WNK3: variants seen among roughly 807,000 people sequenced by gnomAD.
WNK3 encodes serine/threonine-protein kinase WNK3.
Under a neutral mutation model 116.7 loss-of-function variants are expected in WNK3, and 18 were observed. The observed-to-expected ratio is 0.15, with a 90% confidence interval of 0.11 to 0.23. The LOEUF (loss-of-function observed/expected upper bound fraction) is 0.23, where lower values mean the gene tolerates loss of function less well. WNK3 is among the 10% of genes least tolerant of loss of function. The pLI is 1.00. For synonymous variants in WNK3, 404 were observed against 469.4 expected, an observed-to-expected ratio of 0.86 and a Z score of 1.80; for missense variants, 993 against 1,323.8, an observed-to-expected ratio of 0.75 and a Z score of 3.88.
At chrX:54,256,971 TCC>T (rs1464393902) in intron 11 of WNK3, among the ~76,000 whole-genome samples, 1 of 112,001 alleles carries the variant, frequency 8.9e-6, no homozygotes, top group Non-Finnish European at 1.9e-5. Context: ...CTCTCCCTGC[TCC>T]TCCCCTCTAA....
In WNK3 at chrX:54,269,899, T is replaced by C. The variant is rs6612928; in HGVS notation, c.2038-10561A>G. Among the ~76,000 whole-genome samples, 362 of 109,370 alleles carry C rather than the reference T, an allele frequency of 3.3e-3. 14 individuals are homozygous for C. In the East Asian group the frequency reaches 0.086, roughly 26 times the overall value. 95.0% of individuals were successfully genotyped at this position (109,370 alleles called of 115,157 possible). Reference sequence around the variant, plus strand: ...ACCTTAATGAATGTATATACCTTTGTAAAAAAAAATTTGAAGAACAGCTGG... The same window carrying C: ...ACCTTAATGAATGTATATACCTTTGCAAAAAAAAATTTGAAGAACAGCTGG... On this transcript the variant is annotated intron_variant, in intron 10 of 23. Coordinates refer to ENST00000354646, the Ensembl canonical transcript of WNK3.
rs113545372 is a variant in WNK3, at chrX:54,201,832, A to AT, written c.5073+158_5073+159insA. Among the ~76,000 whole-genome samples the AT allele has an allele frequency of 7.7e-4, 86 of 112,087 alleles. 1 individual carries two copies. Among genetic ancestry groups the AT allele is most frequent in the African/African-American group, 2.6e-3 (80 of 30,918 alleles). On this transcript the variant is annotated intron_variant, in intron 23 of 23. Coordinates refer to ENST00000354646, the Ensembl canonical transcript of WNK3. ...TTTACTGACTCATGGTCTAAAATAT[A>AT]ATTTGCTCAAAGACATAATGAATCT...
intron 2 of WNK3, among the ~76,000 whole-genome samples, chrX:54,321,909 C>G (rs142410772): frequency 1.9e-5 from 2 of 106,169 alleles, no homozygotes; most frequent in Non-Finnish European, 3.9e-5. Flanking sequence ...CGCTTGACCC[C>G]GGAGGCAGAG....
At chrX:54,247,294 C>T (rs1364119178) in intron 17 of WNK3, among the ~76,000 whole-genome samples, 7 of 109,840 alleles carry the variant, frequency 6.4e-5, no homozygotes, top group African/African-American at 2.3e-4. Context: ...TCTTAAGATT[C>T]GAATCACATT....
chrX:54,268,643 C>CA (rs1383718017), intron 10 of WNK3, among the ~76,000 whole-genome samples: 28 of 111,361 alleles, frequency 2.5e-4, no homozygotes, highest in Non-Finnish European at 5.3e-4. Flanking sequence ...AGGAAGTGTT[C>CA]AAAGAATGAT....
At chrX:54,328,119 A>G (rs1376348035) in intron 2 of WNK3, among the ~76,000 whole-genome samples, 1 of 110,484 alleles carries the variant, frequency 9.1e-6, no homozygotes, top group African/African-American at 3.3e-5. Context: ...AAGTATGGAC[A>G]TATCAATTAT....
At chrX:54,282,320 C>T (rs936454872) in intron 10 of WNK3, among the ~76,000 whole-genome samples, 14 of 111,026 alleles carry the variant, frequency 1.3e-4, no homozygotes, top group African/African-American at 4.6e-4. Context: ...ATTGGGATCA[C>T]AGGTGTGAGC....
intron 1 of WNK3, among the ~76,000 whole-genome samples, chrX:54,341,225 C>CA (rs1644177539): frequency 9.1e-6 from 1 of 110,242 alleles, no homozygotes; most frequent in Non-Finnish European, 1.9e-5. Flanking sequence ...GGTGAAACCC[C>CA]ATCTCTACTA....
chrX:54,194,975 A>C (rs1232411723), exon 24 of WNK3: 1 of 111,967 alleles, frequency 8.9e-6, no homozygotes, highest in East Asian at 2.8e-4. Flanking sequence ...CATGCTTGAT[A>C]TAAAACTGGC....
chrX:54,232,910 G>A (rs1557149314), exon 21 of WNK3: 1 of 1,211,349 alleles, frequency 8.3e-7, no homozygotes. Flanking sequence ...AGGTGGCAAA[G>A]GAATCTCAGT....
intron 22 of WNK3, among the ~76,000 whole-genome samples, chrX:54,217,042 G>T (rs1306405159): frequency 9.2e-6 from 1 of 108,839 alleles, no homozygotes; most frequent in African/African-American, 3.4e-5. Flanking sequence ...CATGTGGGCC[G>T]GGCACGGTGG....
At position 54,353,065 on chromosome X, in the gene WNK3, A is replaced by T. The variant is rs150905170; in HGVS notation, c.-120+4621T>A. 5.7e-3 allele frequency among the ~76,000 whole-genome samples: 635 copies of T among 111,994 alleles called. 7 individuals are homozygous for T. Among genetic ancestry groups the T allele is most frequent in the African/African-American group, 0.02 (621 of 30,901 alleles). On this transcript the variant is annotated intron_variant, in intron 1 of 23. Transcript: ENST00000354646. ...GGACTTGGAGGAAGGGACAATGGGG[A>T]GTGACTGCTTACTGGGAACAGAATT...
At chrX:54,196,957 A>G (rs1036383163) in exon 24 of WNK3, 1 of 111,985 alleles carries the variant, frequency 8.9e-6, no homozygotes, top group African/African-American at 3.2e-5. Flanking sequence ...ACAACTAAAA[A>G]TTGTAATTAA....
At chrX:54,299,450 T>A (rs1243921831) in intron 6 of WNK3, among the ~76,000 whole-genome samples, 1 of 66,064 alleles carries the variant, frequency 1.5e-5, no homozygotes. Context: ...TGTTTTGGTG[T>A]TTTTTTTTTT....
intron 10 of WNK3, among the ~76,000 whole-genome samples, chrX:54,282,286 C>T (rs969283808): frequency 1.1e-4 from 12 of 110,443 alleles, no homozygotes; most frequent in Non-Finnish European, 2.1e-4. Context: ...CTAAAGTGAT[C>T]CTCGTGCCTC....
chrX:54,235,286 C>A (rs1466423297), intron 20 of WNK3, among the ~76,000 whole-genome samples: 1 of 111,438 alleles, frequency 9.0e-6, no homozygotes, highest in East Asian at 2.8e-4. Flanking sequence ...TAAAATCCAG[C>A]TTTTTATTTT....
chrX:54,237,318 A>C, exon 20 of WNK3: 1 of 1,211,932 alleles, frequency 8.3e-7, no homozygotes, highest in Non-Finnish European at 1.1e-6. Flanking sequence ...AGAAGTTGTC[A>C]CCTTGTTTGG....
intron 20 of WNK3, among the ~76,000 whole-genome samples, chrX:54,236,371 C>T (rs2067961908): frequency 9.1e-6 from 1 of 110,427 alleles, no homozygotes; most frequent in African/African-American, 3.3e-5. Context: ...GATACACCTG[C>T]CTCTGCCTCC....
At chrX:54,276,003 C>T (rs782605561) in intron 10 of WNK3, among the ~76,000 whole-genome samples, 1 of 110,712 alleles carries the variant, frequency 9.0e-6, no homozygotes, top group South Asian at 3.9e-4. Context: ...CCATCCTAAA[C>T]GTGGATGCAC....
Sources: allele counts gnomAD v4.1 joint callset (sites outside exome capture counted in the v4.1 genomes callset), GRCh38; gene constraint gnomAD v4.1.1; transcripts MANE v1.5; gene names NCBI Gene and HGNC (gene_info 2026-07-23, HGNC 2026-07-21).